The following NAV2 variants were observed in gnomAD, a reference collection of about 807,000 sequenced individuals.
NAV2 encodes helicase, APC down-regulated 1.
Under a neutral mutation model 223.2 loss-of-function variants are expected in NAV2, and 54 were observed. The ratio of observed to expected loss-of-function variants is 0.24; its 90% confidence interval spans 0.19 to 0.30. The LOEUF (loss-of-function observed/expected upper bound fraction) is 0.30, where lower values mean the gene tolerates loss of function less well. Among genes scored for constraint, NAV2 ranks in the 10% least tolerant of loss-of-function variants. NAV2 has a pLI of 1.00. For synonymous variants in NAV2, 1,279 were observed against 1,239.3 expected, an observed-to-expected ratio of 1.03 and a Z score of -0.67; for missense variants, 2,806 against 3,147.5, an observed-to-expected ratio of 0.89 and a Z score of 2.60.
At chr11:19,368,622 G>A (rs927744507) in intron 1 of NAV2, among the ~76,000 whole-genome samples, 27 of 152,232 alleles carry the variant, frequency 1.8e-4, no homozygotes, top group South Asian at 4.1e-4. Context: ...AACACTAACA[G>A]CTAATGTTCA....
Position 20,007,044 on chromosome 11 carries a change from C to T in NAV2, c.2768+22797C>T, listed in dbSNP as rs151330909. On this transcript the variant is annotated intron_variant, in intron 11 of 37. Coordinates refer to ENST00000349880, the MANE Select transcript of NAV2 (RefSeq NM_145117.5). ...CAATCTCAGCTCACTGCAACCTCCG[C>T]CTCCCAGGCTCAAACAATCCTCCCA... Among the ~76,000 whole-genome samples the T allele has an allele frequency of 4.6e-3, 694 of 152,174 alleles. 5 individuals carry two copies. The highest frequency in any genetic ancestry group is 0.016 in the African/African-American group (655 of 41,514).
intron 11 of NAV2, among the ~76,000 whole-genome samples, chr11:20,009,310 C>T (rs1206955436): frequency 2.0e-5 from 3 of 152,108 alleles, no homozygotes; most frequent in Non-Finnish European, 4.4e-5. Flanking sequence ...AGAGTAACTT[C>T]AGTTTACTAG....
At chr11:19,350,253 C>T (rs543540758), upstream of NAV2, among the ~76,000 whole-genome samples, 12 of 152,268 alleles carry the variant, frequency 7.9e-5, no homozygotes, top group South Asian at 1.4e-3. Context: ...GCTTGGAAAA[C>T]GATCATCGGC....
chr11:19,485,024 C>T (rs549213659), intron 1 of NAV2, among the ~76,000 whole-genome samples: 250 of 37,958 alleles, frequency 6.6e-3, no homozygotes, highest in Non-Finnish European at 0.019. Flanking sequence ...TTCAGTCCTT[C>T]CTGTGCACTA....
At chr11:20,063,311 C>A (rs1225513197) in intron 20 of NAV2, among the ~76,000 whole-genome samples, 1 of 152,166 alleles carries the variant, frequency 6.6e-6, no homozygotes, top group Non-Finnish European at 1.5e-5. Flanking sequence ...TAATCAAATA[C>A]ATTTAGATCT....
intron 1 of NAV2, among the ~76,000 whole-genome samples, chr11:19,590,605 A>G (rs529862827): frequency 6.6e-6 from 1 of 152,270 alleles, no homozygotes; most frequent in East Asian, 1.9e-4. Context: ...ACAGCTCAAA[A>G]TCCATTTTCC....
At chr11:20,095,641 T>TTTTC in intron 29 of NAV2, 31 bp from the exon 30 acceptor site, 1 of 1,514,868 alleles carries the variant, frequency 6.6e-7, no homozygotes, top group Non-Finnish European at 9.2e-7. Flanking sequence ...ATCCACCTGT[T>TTTTC]TTTCACCTGT....
intron 1 of NAV2, among the ~76,000 whole-genome samples, chr11:19,360,880 G>T (rs1853897942): frequency 6.6e-6 from 1 of 152,126 alleles, no homozygotes; most frequent in South Asian, 2.1e-4. Flanking sequence ...GGCATCAAGT[G>T]GATACTTAAA....
intron 3 of NAV2, among the ~76,000 whole-genome samples, chr11:19,868,396 A>G (rs1349534440): frequency 6.6e-6 from 1 of 152,164 alleles, no homozygotes; most frequent in African/African-American, 2.4e-5. Flanking sequence ...CTTTCTTGCC[A>G]CAGAAAGCAC....
intron 1 of NAV2, among the ~76,000 whole-genome samples, chr11:19,524,140 CTGT>C (rs2043770001): frequency 6.6e-6 from 1 of 152,156 alleles, no homozygotes; most frequent in Admixed American, 6.5e-5. Flanking sequence ...GGTAGGGACC[CTGT>C]TGTTGTCATC....
rs550579609 is a variant in NAV2, at chr11:20,087,380, G to A, written c.5499-3485G>A. ...TTTGTTTTTGGTCTCGTTTTCCAAA[G>A]GGTAGGCTGAGAGCAAATGCTTGTT... On this transcript the variant is annotated intron_variant, in intron 26 of 37. Coordinates refer to ENST00000349880, the MANE Select transcript of NAV2 (RefSeq NM_145117.5). 2.0e-5 allele frequency among the ~76,000 whole-genome samples: 3 copies of A among 152,302 alleles called. No homozygotes were observed. In the East Asian group the frequency reaches 5.8e-4, roughly 29 times the overall value.
chr11:19,552,347 G>A (rs1189814430), intron 1 of NAV2, among the ~76,000 whole-genome samples: 1 of 152,188 alleles, frequency 6.6e-6, no homozygotes, highest in Non-Finnish European at 1.5e-5. Context: ...GTCATTGAGT[G>A]TTCAGCCTCC....
rs116941203 is a variant in NAV2 at position 19,826,682 on chromosome 11, T to A, written c.268-5802T>A. ...GACAGGGAGGGAAGGGAGAGGAAAC[T>A]CCAGATAATTAATGATCCTTGTGAA... On this transcript the variant is annotated intron_variant, in intron 1 of 37. Transcript: ENST00000349880. 2.0e-5 allele frequency among the ~76,000 whole-genome samples: 3 copies of A among 152,240 alleles called. No individual in the cohort carries two copies. The East Asian group carries it at 5.8e-4, about 30-fold the overall frequency.
At chr11:19,960,414 A>G (rs2048253215) in intron 10 of NAV2, among the ~76,000 whole-genome samples, 1 of 152,064 alleles carries the variant, frequency 6.6e-6, no homozygotes, top group African/African-American at 2.4e-5. Context: ...TGAAGACCCT[A>G]GAGGGTAATT....
chr11:19,660,548 G>A (rs1157180784), intron 1 of NAV2, among the ~76,000 whole-genome samples: 3 of 152,094 alleles, frequency 2.0e-5, no homozygotes, highest in Admixed American at 1.3e-4. Context: ...GAAGCCACCT[G>A]GAAAGAGCAT....
chr11:19,950,242 G>A (rs1281295092), intron 10 of NAV2, among the ~76,000 whole-genome samples: 3 of 152,202 alleles, frequency 2.0e-5, no homozygotes, highest in Admixed American at 2.0e-4. Context: ...CAATGGGTGA[G>A]CCAGTATTTT....
upstream of NAV2, among the ~76,000 whole-genome samples, chr11:19,350,450 T>A (rs1853246989): frequency 6.6e-6 from 1 of 152,152 alleles, no homozygotes. Flanking sequence ...GCAGGAGCCA[T>A]GAGGGGCGGC....
At chr11:19,440,104 C>CT (rs1183326102) in intron 1 of NAV2, among the ~76,000 whole-genome samples, 1 of 152,184 alleles carries the variant, frequency 6.6e-6, no homozygotes, top group Non-Finnish European at 1.5e-5. Flanking sequence ...GTCGATCACA[C>CT]ACGTAAAAAA....
At chr11:19,388,646 C>A (rs1194885668) in intron 1 of NAV2, among the ~76,000 whole-genome samples, 1 of 152,066 alleles carries the variant, frequency 6.6e-6, no homozygotes, top group Non-Finnish European at 1.5e-5. Flanking sequence ...GTGCTTGACC[C>A]CGAATGCTGC....
Sources: gnomAD v4.1 joint callset for allele counts (sites outside exome capture counted in the v4.1 genomes callset) on GRCh38, gnomAD v4.1.1 for gene constraint, MANE v1.5 for transcripts, NCBI Gene and HGNC (gene_info 2026-07-23, HGNC 2026-07-21) for gene names.